IMMP2L: variants seen among roughly 807,000 people sequenced by gnomAD.
IMMP2L encodes inner mitochondrial membrane peptidase subunit 2.
In IMMP2L, 18 loss-of-function variants were observed where a neutral mutation model predicts 19.3. The ratio of observed to expected loss-of-function variants is 0.93; its 90% CI spans 0.64 to 1.38. The LOEUF is 1.38. Ranked by LOEUF, IMMP2L falls within the 40% of genes most tolerant of loss-of-function variation. The pLI is 0.00. For synonymous variants in IMMP2L, 76 were observed against 73.0 expected, an observed-to-expected ratio of 1.04 and a Z score of -0.21; for missense variants, 233 against 218.2, an observed-to-expected ratio of 1.07 and a Z score of -0.43.
At chr7:110,914,216 G>C (rs1813349639) in intron 4 of IMMP2L, among the ~76,000 whole-genome samples, 2 of 152,134 alleles carry the variant, frequency 1.3e-5, no homozygotes, top group Admixed American at 6.6e-5. Context: ...TTGAAGAAAT[G>C]CTTCAGGATC....
chr7:110,916,559 C>G (rs1813635442), intron 4 of IMMP2L, among the ~76,000 whole-genome samples: 2 of 152,118 alleles, frequency 1.3e-5, no homozygotes, highest in South Asian at 4.1e-4. Flanking sequence ...AAAATGGGAC[C>G]AAAACCATTA....
Position 111,437,923 on chromosome 7 carries a change from G to A in IMMP2L, c.239+49315C>T, listed in dbSNP as rs904365606. ...ATAATTATCAGACATGTAATAAAAC[G>A]CCAGAGATCTTAACAGTTCTGTGTC... On this transcript the variant is annotated intron_variant, in intron 3 of 5. Coordinates refer to ENST00000405709, the MANE Select transcript of IMMP2L (RefSeq NM_032549.4). Among the ~76,000 whole-genome samples the A allele has an allele frequency of 5.9e-5, 9 of 151,974 alleles. 1 individual carries two copies. The highest frequency in any genetic ancestry group is 3.9e-4 in the East Asian group (2 of 5,172).
At chr7:111,325,863 C>T (rs1825264619) in intron 3 of IMMP2L, among the ~76,000 whole-genome samples, 1 of 151,802 alleles carries the variant, frequency 6.6e-6, no homozygotes. Flanking sequence ...GATTCATTTG[C>T]ATTTCTTTAT....
intron 3 of IMMP2L, among the ~76,000 whole-genome samples, chr7:111,228,672 T>C (rs1301121004): frequency 2.0e-5 from 3 of 152,042 alleles, no homozygotes; most frequent in Non-Finnish European, 4.4e-5. Context: ...AAATTTCCTC[T>C]ATTGGGCAAT....
At chr7:110,835,835 A>G (rs1804407072) in intron 5 of IMMP2L, among the ~76,000 whole-genome samples, 2 of 152,114 alleles carry the variant, frequency 1.3e-5, no homozygotes, top group South Asian at 4.1e-4. Flanking sequence ...CTTATTCAAC[A>G]AATCTTTCTT....
chr7:111,295,378 T>C lies in IMMP2L; in HGVS notation c.239+191860A>G, dbSNP rs1471099530. On this transcript the variant is annotated intron_variant, in intron 3 of 5. Coordinates refer to ENST00000405709, the MANE Select transcript of IMMP2L (RefSeq NM_032549.4). Reference sequence around the variant, plus strand: ...GTTGGCAAAACACATATGACAAAGCTTAAGTACTGAAATTGTGGTACAGCC... The same window carrying C: ...GTTGGCAAAACACATATGACAAAGCCTAAGTACTGAAATTGTGGTACAGCC... 1.3e-5 allele frequency among the ~76,000 whole-genome samples: 2 copies of C among 151,840 alleles called. 1 individual carries two copies. The highest frequency in any genetic ancestry group is 2.9e-5 in the Non-Finnish European group (2 of 67,806).
At chr7:110,778,452 T>G (rs1007089092) in intron 5 of IMMP2L, among the ~76,000 whole-genome samples, 1 of 152,020 alleles carries the variant, frequency 6.6e-6, no homozygotes, top group Admixed American at 6.6e-5. Context: ...CATCGTTTAC[T>G]TCTGTTGTAA....
At chr7:110,910,135 C>A (rs258998) in intron 4 of IMMP2L, among the ~76,000 whole-genome samples, 33 of 151,860 alleles carry the variant, frequency 2.2e-4, no homozygotes, top group African/African-American at 7.5e-4. Flanking sequence ...TATACAGGAA[C>A]GATGCATGCT....
chr7:111,184,124 G>T (rs143125199), intron 3 of IMMP2L, among the ~76,000 whole-genome samples: 1 of 151,872 alleles, frequency 6.6e-6, no homozygotes, highest in South Asian at 2.1e-4. Context: ...TCATACTATG[G>T]TTTACTACTT....
chr7:111,174,617 T>A (rs991357222), intron 3 of IMMP2L, among the ~76,000 whole-genome samples: 1 of 151,774 alleles, frequency 6.6e-6, no homozygotes, highest in African/African-American at 2.4e-5. Flanking sequence ...CAAAAAATTC[T>A]ATTACCGTAT....
chr7:110,887,670 G>C (rs555360904), intron 4 of IMMP2L, among the ~76,000 whole-genome samples: 1 of 148,614 alleles, frequency 6.7e-6, no homozygotes, highest in Admixed American at 6.7e-5. Flanking sequence ...CCAACTAAAC[G>C]AAAGAGACAG....
At chr7:111,400,469 C>T (rs1289789466) in intron 3 of IMMP2L, among the ~76,000 whole-genome samples, 1 of 152,092 alleles carries the variant, frequency 6.6e-6, no homozygotes. Flanking sequence ...ACATCTCTTG[C>T]TTGGTAATAT....
chr7:110,814,700 G>GATAGAT (rs1802332039), intron 5 of IMMP2L, among the ~76,000 whole-genome samples: 2 of 143,976 alleles, frequency 1.4e-5, no homozygotes, highest in South Asian at 2.2e-4. Context: ...GTCAAGTACA[G>GATAGAT]ATATATATAT....
intron 5 of IMMP2L, among the ~76,000 whole-genome samples, chr7:110,664,612 A>G (rs760872684): frequency 3.3e-5 from 5 of 152,158 alleles, no homozygotes; most frequent in African/African-American, 4.8e-5. Flanking sequence ...AACTTGTTTA[A>G]AAGGCAGATC....
At chr7:110,848,859 A>G (rs1287258890) in intron 5 of IMMP2L, among the ~76,000 whole-genome samples, 1 of 152,144 alleles carries the variant, frequency 6.6e-6, no homozygotes, top group African/African-American at 2.4e-5. Context: ...GGGAAGAAAA[A>G]CAAAAACAAA....
At chr7:111,249,475 G>A (rs546631057) in intron 3 of IMMP2L, among the ~76,000 whole-genome samples, 237 of 151,304 alleles carry the variant, frequency 1.6e-3, no homozygotes, top group African/African-American at 5.2e-3. Flanking sequence ...AGAAATCACC[G>A]TCTTCTGCGT....
intron 3 of IMMP2L, among the ~76,000 whole-genome samples, chr7:111,081,950 T>G (rs1795921363): frequency 6.6e-6 from 1 of 152,168 alleles, no homozygotes; most frequent in Non-Finnish European, 1.5e-5. Flanking sequence ...AGGAGCTGCT[T>G]TCTTTGCTGT....
chr7:110,685,285 GTAACT>G (rs1377961855), intron 5 of IMMP2L, among the ~76,000 whole-genome samples: 3 of 152,108 alleles, frequency 2.0e-5, no homozygotes, highest in Non-Finnish European at 4.4e-5. Flanking sequence ...ACTTTGGTAA[GTAACT>G]TAACTTCTTT....
chr7:110,702,031 G>C (rs1245842329), intron 5 of IMMP2L, among the ~76,000 whole-genome samples: 1 of 151,996 alleles, frequency 6.6e-6, no homozygotes, highest in Non-Finnish European at 1.5e-5. Context: ...CCAGGCTCAA[G>C]CAATCCTTCT....
Sources: allele counts gnomAD v4.1 joint callset (sites outside exome capture counted in the v4.1 genomes callset), GRCh38; gene constraint gnomAD v4.1.1; transcripts MANE v1.5; gene names NCBI Gene and HGNC (gene_info 2026-07-23, HGNC 2026-07-21).